The following PREX2 variants were observed in gnomAD, a reference collection of about 807,000 sequenced individuals.
PREX2 encodes the protein phosphatidylinositol 3,4,5-trisphosphate-dependent Rac exchanger 2 protein.
In PREX2, 107 loss-of-function variants were observed where a neutral mutation model predicts 203.2. The ratio of observed to expected loss-of-function variants is 0.53; its 90% CI spans 0.45 to 0.62. The LOEUF (loss-of-function observed/expected upper bound fraction) is 0.62, where lower values mean the gene tolerates loss of function less well. Ranked by LOEUF, PREX2 falls within the 20% of genes least tolerant of loss-of-function variation. The probability of loss-of-function intolerance (pLI) is 0.00; values close to 1 mark genes in which losing one functional copy is unlikely to be tolerated. For synonymous variants in PREX2, 672 were observed against 663.6 expected (o/e 1.01, Z -0.19); for missense variants, 1,777 against 1,955.9 (o/e 0.91, Z 1.72).
intron 10 of PREX2, among the ~76,000 whole-genome samples, chr8:68,058,950 G>A (rs1396646527): frequency 6.6e-6 from 1 of 151,704 alleles, no homozygotes; most frequent in East Asian, 1.9e-4. Flanking sequence ...GAAAACGAAT[G>A]GTTTTGAATG....
At chr8:67,983,148 T>G (rs1427458961) in intron 1 of PREX2, among the ~76,000 whole-genome samples, 2 of 152,218 alleles carry the variant, frequency 1.3e-5, no homozygotes, top group Non-Finnish European at 2.9e-5. Context: ...TTTCTAAAAT[T>G]TTAAGTTTGT....
At chr8:68,160,061 GT>G (rs1301997828) in intron 35 of PREX2, among the ~76,000 whole-genome samples, 1 of 152,156 alleles carries the variant, frequency 6.6e-6, no homozygotes, top group Non-Finnish European at 1.5e-5. Context: ...TCCTCTATTA[GT>G]TTAGTCTCAT....
chr8:68,191,632 TA>T (rs978103805), intron 35 of PREX2, 89 bp from the exon 36 acceptor site: 110 of 926,538 alleles, frequency 1.2e-4, no homozygotes, highest in Non-Finnish European at 1.6e-4. Context: ...CACTTGTTTT[TA>T]AAAAAAAGTC....
chr8:68,222,817 C>T (rs1812982093), intron 38 of PREX2, among the ~76,000 whole-genome samples: 2 of 152,048 alleles, frequency 1.3e-5, no homozygotes, highest in African/African-American at 2.4e-5. Context: ...TATCCTGTAT[C>T]CCCTGATAGG....
At chr8:68,231,253 G>T (rs560621543) in intron 39 of PREX2, 80 bp from the exon 40 acceptor site, 88 of 968,606 alleles carry the variant, frequency 9.1e-5, no homozygotes, top group Non-Finnish European at 1.2e-4. Context: ...TATCATCAAT[G>T]TATTTGTTCT....
chr8:67,965,546 T>C (rs1037736084), intron 1 of PREX2, among the ~76,000 whole-genome samples: 3 of 151,978 alleles, frequency 2.0e-5, no homozygotes, highest in Non-Finnish European at 4.4e-5. Context: ...TGTATATATA[T>C]ACACACACAC....
intron 1 of PREX2, among the ~76,000 whole-genome samples, chr8:68,007,042 A>C (rs1807117782): frequency 6.6e-6 from 1 of 152,178 alleles, no homozygotes; most frequent in Non-Finnish European, 1.5e-5. Flanking sequence ...ATTTGCAGCT[A>C]ATTTGCCTCA....
At chr8:68,020,364 A>G (rs1807536969) in intron 3 of PREX2, among the ~76,000 whole-genome samples, 1 of 150,796 alleles carries the variant, frequency 6.6e-6, no homozygotes, top group African/African-American at 2.4e-5. Flanking sequence ...GTATGCTGCT[A>G]CGTATACCGT....
intron 14 of PREX2, among the ~76,000 whole-genome samples, chr8:68,072,848 A>G (rs533742851): frequency 4.6e-5 from 7 of 152,302 alleles, no homozygotes; most frequent in African/African-American, 1.7e-4. Context: ...AATCTGAAGA[A>G]TAGCTATGCT....
chr8:68,131,196 T>C (rs1811003120), intron 31 of PREX2, among the ~76,000 whole-genome samples: 1 of 152,158 alleles, frequency 6.6e-6, no homozygotes, highest in African/African-American at 2.4e-5. Flanking sequence ...AGGGAAGTGG[T>C]ATGTTGAGAA....
intron 34 of PREX2, among the ~76,000 whole-genome samples, chr8:68,156,218 G>A (rs1811541330): frequency 6.6e-6 from 1 of 152,050 alleles, no homozygotes; most frequent in African/African-American, 2.4e-5. Flanking sequence ...ATGCCACCAT[G>A]CCAGGCTAAT....
intron 10 of PREX2, among the ~76,000 whole-genome samples, chr8:68,058,560 A>G (rs1836437): frequency 0.18 from 27,894 of 151,744 alleles, 2,733 homozygotes; most frequent in South Asian, 0.22. Context: ...CAGCCTCCCT[A>G]GTGGCTGGGA....
In PREX2 at chr8:68,233,964, T is replaced by C. The variant is rs142965924; in HGVS notation, c.*2586T>C. The C allele has an allele frequency of 5.9e-5, 9 of 152,352 alleles. No individual in the cohort carries two copies. The East Asian group carries it at 1.7e-3, about 29-fold the overall frequency. The allele number at this position is 152,352 out of a possible 1,614,324, so 9.4% of individuals were successfully genotyped here. A position where few individuals can be genotyped will look rare whatever the true frequency, so the allele number is the denominator to read the frequency against. On this transcript the variant is annotated 3_prime_UTR_variant, in exon 40 of 40. Coordinates refer to ENST00000288368, the MANE Select transcript of PREX2 (RefSeq NM_024870.4). Reference sequence around the variant, plus strand: ...TATTAAAAAACGGTGAATGGAAATATGTAAATGCTTTAATTATATGAAAAT... The same window carrying C: ...TATTAAAAAACGGTGAATGGAAATACGTAAATGCTTTAATTATATGAAAAT...
rs1446132865 is a variant in PREX2 at position 68,097,049 on chromosome 8, A to G, written c.2401A>G (p.Ile801Val). The change falls in exon 22 of 40, where the codon ATT becomes GTT. Residue 801 changes from isoleucine (I) to valine (V), a missense_variant. Coordinates refer to ENST00000288368, the MANE Select transcript of PREX2 (RefSeq NM_024870.4). Reference sequence around the variant, plus strand: ...TGACAAATTCAACACTATGGCCATCATTGATGGGAAGAAGGAGCATGTGAG... The same window carrying G: ...TGACAAATTCAACACTATGGCCATCGTTGATGGGAAGAAGGAGCATGTGAG... ...VIDKFNTMAI[I>V]DGKKEHVSLT... The G allele has an allele frequency of 1.2e-6, 2 of 1,613,892 alleles. No individual in the cohort carries two copies. Among genetic ancestry groups the G allele is most frequent in the East Asian group, 2.2e-5 (1 of 44,850 alleles).
intron 26 of PREX2, among the ~76,000 whole-genome samples, chr8:68,117,658 TGAGAG>T (rs1810684485): frequency 1.3e-5 from 2 of 152,222 alleles, no homozygotes; most frequent in African/African-American, 4.8e-5. Flanking sequence ...TTACTTATTC[TGAGAG>T]GAAAGAAAAT....
chr8:68,106,728 CCAGT>C (rs759655969), intron 23 of PREX2, among the ~76,000 whole-genome samples: 4 of 152,102 alleles, frequency 2.6e-5, no homozygotes, highest in African/African-American at 7.2e-5. Flanking sequence ...TAGATAATGA[CCAGT>C]CATAGTCTTA....
intron 23 of PREX2, chr8:68,101,525 T>C: frequency 2.0e-6 from 1 of 507,042 alleles, no homozygotes; most frequent in Non-Finnish European, 3.9e-6. Context: ...ATGTACCTTG[T>C]TGGAGTTGAA....
At chr8:67,979,158 T>C (rs1806195919) in intron 1 of PREX2, among the ~76,000 whole-genome samples, 2 of 152,230 alleles carry the variant, frequency 1.3e-5, no homozygotes, top group African/African-American at 2.4e-5. Context: ...TTCTGTGTAC[T>C]GTTATACTGA....
At position 68,225,748 on chromosome 8, in the gene PREX2, G is replaced by A. The variant is rs187376598; in HGVS notation, c.4775+1122G>A. 5.8e-4 allele frequency among the ~76,000 whole-genome samples: 89 copies of A among 152,220 alleles called. 1 individual carries two copies. In the East Asian group the frequency reaches 8.9e-3, roughly 15 times the overall value. Reference sequence around the variant, plus strand: ...TTAATCCTGAAGTTTTGTTAATGTCGTCTTTCACAGTTGATTAGGTTAGAA... The same window carrying A: ...TTAATCCTGAAGTTTTGTTAATGTCATCTTTCACAGTTGATTAGGTTAGAA... On this transcript the variant is annotated intron_variant, in intron 39 of 39. Coordinates refer to ENST00000288368, the MANE Select transcript of PREX2 (RefSeq NM_024870.4).
Sources: gnomAD v4.1 joint callset for allele counts (sites outside exome capture counted in the v4.1 genomes callset) on GRCh38, gnomAD v4.1.1 for gene constraint, MANE v1.5 for transcripts, NCBI Gene and HGNC (gene_info 2026-07-23, HGNC 2026-07-21) for gene names.